Variants in ZMAT3 observed in about 807,000 individuals in gnomAD.
The protein encoded by ZMAT3 is zinc finger matrin-type protein 3.
In ZMAT3, 17 loss-of-function variants were observed where a neutral mutation model predicts 32.3. The ratio of observed to expected loss-of-function variants is 0.53; its 90% confidence interval spans 0.36 to 0.79. ZMAT3 has a LOEUF of 0.79. Ranked by LOEUF, ZMAT3 falls within the 30% of genes least tolerant of loss-of-function variation. The pLI, the probability that ZMAT3 is intolerant of heterozygous loss-of-function variation, is 0.00. For synonymous variants in ZMAT3, 120 were observed against 133.1 expected (o/e 0.90, Z 0.68); for missense variants, 329 against 359.7 (o/e 0.91, Z 0.69).
At chr3:179,047,858 C>T (rs1264773083) in intron 2 of ZMAT3, among the ~76,000 whole-genome samples, 1 of 125,548 alleles carries the variant, frequency 8.0e-6, no homozygotes, top group Admixed American at 7.8e-5. Context: ...GACTCAGTCT[C>T]AAAAAAAAAA....
intron 2 of ZMAT3, 64 bp from the exon 3 acceptor site, chr3:179,031,063 T>C: frequency 1.3e-6 from 2 of 1,495,394 alleles, no homozygotes; most frequent in South Asian, 1.3e-5. Flanking sequence ...CAATTTCAGT[T>C]AGCTATGGTC....
intron 2 of ZMAT3, among the ~76,000 whole-genome samples, chr3:179,049,699 A>G (rs1450280489): frequency 6.6e-6 from 1 of 152,106 alleles, no homozygotes; most frequent in Non-Finnish European, 1.5e-5. Context: ...CTACATCAAA[A>G]AGTTTGAAAG....
At chr3:179,057,835 A>T (rs1720930312) in intron 2 of ZMAT3, among the ~76,000 whole-genome samples, 1 of 152,240 alleles carries the variant, frequency 6.6e-6, no homozygotes, top group Non-Finnish European at 1.5e-5. Context: ...TGAAATACCC[A>T]GAACATTCTA....
In ZMAT3 at chr3:179,057,640, C is replaced by G. The variant is rs575215257; in HGVS notation, c.270+9843G>C. On this transcript the variant is annotated intron_variant, in intron 2 of 5. Coordinates refer to ENST00000311417, the MANE Select transcript of ZMAT3 (RefSeq NM_022470.4). ...CTCACTACCTGTGGCTACAAGGTTT[C>G]CAAACCAAAGGCTCAGCTCTGCTCA... Among the ~76,000 whole-genome samples the G allele has an allele frequency of 4.3e-4, 66 of 152,356 alleles. No homozygotes were observed. In the East Asian group the frequency reaches 0.012, roughly 28 times the overall value.
At chr3:179,065,314 T>G (rs182615884) in intron 2 of ZMAT3, among the ~76,000 whole-genome samples, 1 of 152,324 alleles carries the variant, frequency 6.6e-6, no homozygotes, top group East Asian at 1.9e-4. Flanking sequence ...ATTTTCTAAT[T>G]TATTTATTCA....
Position 179,067,557 on chromosome 3 carries a change from G to A in ZMAT3, c.196C>T (p.Leu66=), listed in dbSNP as rs1347152488. 2 of 1,614,144 alleles carry A rather than the reference G, an allele frequency of 1.2e-6. No individual in the cohort carries two copies. The highest frequency in any genetic ancestry group is 1.7e-5 in the Admixed American group (1 of 60,018). The change falls in exon 2 of 6, where the codon CTA becomes TTA. Residue 66 remains leucine, a synonymous_variant. Transcript: ENST00000311417. ...GGEQDCALEE[L]CKPLYCKLCN... ...AGTTTGCAGTACAGGGGCTTACATAGCTCCTCCAGGGCACAGTCTTGCTCC... is the reference window on the plus strand; with the variant it reads ...AGTTTGCAGTACAGGGGCTTACATAACTCCTCCAGGGCACAGTCTTGCTCC...
At chr3:179,059,489 A>C (rs1721039153) in intron 2 of ZMAT3, among the ~76,000 whole-genome samples, 1 of 152,222 alleles carries the variant, frequency 6.6e-6, no homozygotes, top group Non-Finnish European at 1.5e-5. Flanking sequence ...GGGCCTGTGA[A>C]GTGTGCCAAA....
rs1381835015 is a variant in ZMAT3, at chr3:179,025,000, T to C, written c.*17A>G. The C allele has an allele frequency of 1.9e-6, 3 of 1,613,304 alleles. No individual in the cohort carries two copies. The highest frequency in any genetic ancestry group is 2.5e-6 in the Non-Finnish European group (3 of 1,179,374). On this transcript the variant is annotated 3_prime_UTR_variant, in exon 6 of 6. Transcript: ENST00000311417. ...ACAACAGGCAGGAAAAGCTGCTCTA[T>C]CTTAATATGATAATCACTATACATA...
rs1449480169 is a variant in ZMAT3, at chr3:179,022,273, A to G, written c.*2744T>C. 4 of 152,212 alleles carry G rather than the reference A, an allele frequency of 2.6e-5. No individual in the cohort carries two copies. The highest frequency in any genetic ancestry group is 9.7e-5 in the African/African-American group (4 of 41,446). The allele number at this position is 152,212 out of a possible 1,614,324, so 9.4% of individuals were successfully genotyped here. ...TATAATGAAATTGTTAAGTGGAGAG[A>G]GCAAGGGGAACCCTTCTTATAAAAC... On this transcript the variant is annotated 3_prime_UTR_variant, in exon 6 of 6. Coordinates refer to ENST00000311417, the MANE Select transcript of ZMAT3 (RefSeq NM_022470.4).
At chr3:179,039,807 A>G (rs945428345) in intron 2 of ZMAT3, among the ~76,000 whole-genome samples, 2 of 152,240 alleles carry the variant, frequency 1.3e-5, no homozygotes, top group Non-Finnish European at 2.9e-5. Flanking sequence ...GTTCGAACCC[A>G]TCGCAAGGAA....
chr3:179,026,743 G>A (rs1416092116), intron 5 of ZMAT3, among the ~76,000 whole-genome samples: 1 of 152,004 alleles, frequency 6.6e-6, no homozygotes, highest in African/African-American at 2.4e-5. Context: ...TTTTCAGTTA[G>A]CTCTGTTTTC....
chr3:179,029,527 A>C (rs1719067075), intron 3 of ZMAT3, among the ~76,000 whole-genome samples: 1 of 152,094 alleles, frequency 6.6e-6, no homozygotes, highest in Non-Finnish European at 1.5e-5. Context: ...GCAGTGGCAC[A>C]ATCTTGGCTC....
rs1044181890 is a variant in ZMAT3, at chr3:179,019,582, TTTC to T, written c.*5432_*5434del. The T allele has an allele frequency of 7.2e-5, 11 of 152,180 alleles. No individual in the cohort carries two copies. Among genetic ancestry groups the T allele is most frequent in the African/African-American group, 2.7e-4 (11 of 41,450 alleles). The allele number at this position is 152,180 out of a possible 1,614,324, so 9.4% of individuals were successfully genotyped here. On this transcript the variant is annotated 3_prime_UTR_variant, in exon 6 of 6. Coordinates refer to ENST00000311417, the MANE Select transcript of ZMAT3 (RefSeq NM_022470.4). ...TCAACTTTGATATATGTCTGAAAAT[TTTC>T]TTGAGAAAATGTTGAGGAACATGTT...
chr3:179,065,110 T>C (rs1721339680), intron 2 of ZMAT3, among the ~76,000 whole-genome samples: 1 of 152,210 alleles, frequency 6.6e-6, no homozygotes, highest in Non-Finnish European at 1.5e-5. Context: ...AGCAATATAC[T>C]TTATTATACC....
At chr3:179,054,775 G>A (rs1037595787) in intron 2 of ZMAT3, among the ~76,000 whole-genome samples, 3 of 152,114 alleles carry the variant, frequency 2.0e-5, no homozygotes, top group African/African-American at 4.8e-5. Context: ...CCATGCCTCC[G>A]GATCCAGCAG....
intron 2 of ZMAT3, among the ~76,000 whole-genome samples, chr3:179,033,521 G>GA (rs1553799935): frequency 1.6e-5 from 2 of 126,858 alleles, no homozygotes; most frequent in African/African-American, 5.8e-5. Flanking sequence ...AAAAAGGAAA[G>GA]AAAGAAAAGA....
intron 2 of ZMAT3, among the ~76,000 whole-genome samples, chr3:179,045,311 A>G (rs1720172034): frequency 6.6e-6 from 1 of 152,210 alleles, no homozygotes; most frequent in Non-Finnish European, 1.5e-5. Context: ...AAACAGAAAC[A>G]TACATAGGAG....
chr3:179,060,640 T>C (rs1008046284), intron 2 of ZMAT3, among the ~76,000 whole-genome samples: 2 of 152,006 alleles, frequency 1.3e-5, no homozygotes, highest in African/African-American at 4.8e-5. Context: ...TGAGACTCTG[T>C]CTCAAAAATA....
At chr3:179,048,192 C>T (rs543619566) in intron 2 of ZMAT3, among the ~76,000 whole-genome samples, 1 of 152,308 alleles carries the variant, frequency 6.6e-6, no homozygotes, top group East Asian at 1.9e-4. Context: ...AGAATAATTG[C>T]TGTTCCTGAG....
Sources: gnomAD v4.1 joint callset for allele counts (sites outside exome capture counted in the v4.1 genomes callset) on GRCh38, gnomAD v4.1.1 for gene constraint, MANE v1.5 for transcripts, NCBI Gene and HGNC (gene_info 2026-07-23, HGNC 2026-07-21) for gene names.